Variants in ARHGEF2 observed in about 807,000 individuals in gnomAD.
ARHGEF2 encodes Rho/Rac guanine nucleotide exchange factor 2.
In ARHGEF2, 22 loss-of-function variants were observed where a neutral mutation model predicts 121.0. The observed-to-expected ratio is 0.18, with a 90% CI of 0.13 to 0.26. The LOEUF (loss-of-function observed/expected upper bound fraction) is 0.26. Among genes scored for constraint, ARHGEF2 ranks in the 10% least tolerant of loss-of-function variants. ARHGEF2 has a pLI of 1.00. For synonymous variants in ARHGEF2, 487 were observed against 530.0 expected, an observed-to-expected ratio of 0.92 and a Z score of 1.11; for missense variants, 907 against 1,336.0, an observed-to-expected ratio of 0.68 and a Z score of 5.01.
chr1:155,976,383 G>A (rs898381922), intron 1 of ARHGEF2, among the ~76,000 whole-genome samples: 1 of 151,470 alleles, frequency 6.6e-6, no homozygotes, highest in African/African-American at 2.4e-5. Context: ...ACCCTTCTCC[G>A]GTGGCCTCTT....
In ARHGEF2 at chr1:155,962,585, C is replaced by A; in HGVS notation, c.1101+8G>T. 1 of 1,612,838 alleles carries A rather than the reference C, an allele frequency of 6.2e-7. No individual in the cohort carries two copies. Among genetic ancestry groups the A allele is most frequent in the South Asian group, 1.1e-5 (1 of 91,016 alleles). On this transcript the variant is annotated splice_region_variant and intron_variant, in intron 9 of 21. Transcript: ENST00000361247. This position sits in a 1 kb window ranked among gnomAD's most constrained non-coding sequence, Gnocchi z 5.8. ...CCATGAGCATGGGATCTGGAGAGGT[C>A]CGCTCACCCGGATGAATTGCTGGAA... is the stretch of plus-strand genomic sequence containing the variant.
intron 14 of ARHGEF2, 62 bp downstream of exon 14, chr1:155,954,840 A>T (rs1676345305): frequency 6.8e-7 from 1 of 1,468,188 alleles, no homozygotes; most frequent in African/African-American, 1.4e-5. Flanking sequence ...TAACAGTTGC[A>T]TAATATTCCA....
intron 14 of ARHGEF2, 21 bp downstream of exon 14, chr1:155,954,881 G>T (rs374165884): frequency 1.9e-6 from 3 of 1,605,920 alleles, no homozygotes; most frequent in Non-Finnish European, 2.6e-6. Flanking sequence ...TTACTAAGGA[G>T]CTCCTTGTGG....
In ARHGEF2 at chr1:155,978,215, A is replaced by ACCCCCC; in HGVS notation, c.63+149_63+150insGGGGGG. ...CCCTACCCACTCGCTCGCAGTCCCC[A>ACCCCCC]CCCACCCCGTCCCGCCGCTCGCCGA... On this transcript the variant is annotated intron_variant, in intron 1 of 21. Coordinates refer to ENST00000361247, the MANE Select transcript of ARHGEF2 (RefSeq NM_001162383.2). The surrounding 1 kb of genome is among the most constrained non-coding windows in gnomAD (Gnocchi z 4.1). The ACCCCCC allele has an allele frequency of 9.2e-7, 1 of 1,082,378 alleles. No homozygotes were observed. The allele number at this position is 1,082,378 out of a possible 1,614,324, so 67.0% of individuals were successfully genotyped here. A position where few individuals can be genotyped will look rare whatever the true frequency, so the allele number is the denominator to read the frequency against.
At position 155,978,387 on chromosome 1, in the gene ARHGEF2, C is replaced by A. The variant is rs1481557900; in HGVS notation, c.41G>T (p.Arg14Leu). 3 of 1,520,298 alleles carry A rather than the reference C, an allele frequency of 2.0e-6. No individual in the cohort carries two copies. The highest frequency in any genetic ancestry group is 2.7e-6 in the Non-Finnish European group (3 of 1,125,166). The allele number at this position is 1,520,298 out of a possible 1,614,324, so 94.2% of individuals were successfully genotyped here. A position where few individuals can be genotyped will look rare whatever the true frequency, so the allele number is the denominator to read the frequency against. ...IESLTRARID[R>L]SRELASKTRE... The stretch of plus-strand genomic sequence containing the variant: ...CACCTTGCTCGCCAGCTCTCTGCTC[C>A]GGTCGATCCGCGCCCGCGTGAGGGA... The change falls in exon 1 of 22, where the codon CGG becomes CTG. Residue 14 changes from arginine to leucine, a missense_variant. Arg to Leu is a moderately radical substitution (Grantham distance 102). Transcript: ENST00000361247. This position sits in a 1 kb window ranked among gnomAD's most constrained non-coding sequence, Gnocchi z 4.1.
chr1:155,953,137 C>T (rs555156470), intron 14 of ARHGEF2, among the ~76,000 whole-genome samples: 69 of 151,186 alleles, frequency 4.6e-4, no homozygotes, highest in Non-Finnish European at 7.5e-4. Flanking sequence ...TGGTGGCACG[C>T]GCCTGTAGTC....
Position 155,978,311 on chromosome 1 carries a change from G to T in ARHGEF2, c.63+54C>A, listed in dbSNP as rs1043708456. 4.2e-6 allele frequency: 6 copies of T among 1,426,888 alleles called. No homozygotes were observed. In the East Asian group the frequency reaches 1.7e-4, roughly 40 times the overall value. The allele number at this position is 1,426,888 out of a possible 1,614,324, so 88.4% of individuals were successfully genotyped here. A position where few individuals can be genotyped will look rare whatever the true frequency, so the allele number is the denominator to read the frequency against. On this transcript the variant is annotated intron_variant, in intron 1 of 21. Coordinates refer to ENST00000361247, the MANE Select transcript of ARHGEF2 (RefSeq NM_001162383.2). This position sits in a 1 kb window ranked among gnomAD's most constrained non-coding sequence, Gnocchi z 4.1. ...ACAGGAGATGCACCGCGGGTGCCGGGGTTCGGGGAGCACCCGAGGACCGCG... is the reference window on the plus strand; with the variant it reads ...ACAGGAGATGCACCGCGGGTGCCGGTGTTCGGGGAGCACCCGAGGACCGCG...
Position 155,961,747 on chromosome 1 carries a change from C to T in ARHGEF2, c.1382G>A (p.Gly461Asp), listed in dbSNP as rs1202304436. Residue 461 changes from glycine (G) to aspartate (D), a missense_variant, in exon 11 of 22, where the codon GGC (glycine) becomes GAC (aspartate). Gly to Asp is a moderately conservative substitution (Grantham distance 94). This residue lies in a region of ARHGEF2 where 475 missense variants were observed against 776.5 expected (regional missense o/e 0.61). Transcript: ENST00000361247. This position sits in a 1 kb window ranked among gnomAD's most constrained non-coding sequence, Gnocchi z 4.7. ...PRAQTPVPGKGPFGREELLRR... is the reference protein window; with the variant it reads ...PRAQTPVPGKDPFGREELLRR... ...CAGAAGTTCCTCTCGGCCAAAGGGG[C>T]CCTTGCCAGGCACTGGGGTTTGGGC... 1 of 1,614,216 alleles carries T rather than the reference C, an allele frequency of 6.2e-7. No homozygotes were observed. Among genetic ancestry groups the T allele is most frequent in the East Asian group, 2.2e-5 (1 of 44,894 alleles).
At chr1:155,971,833 A>G (rs1680526034) in intron 1 of ARHGEF2, among the ~76,000 whole-genome samples, 2 of 151,704 alleles carry the variant, frequency 1.3e-5, no homozygotes, top group Non-Finnish European at 2.9e-5. Context: ...GGATCGCTTG[A>G]GGCCAGGAGT....
At chr1:155,973,325 A>G (rs1680790459) in intron 1 of ARHGEF2, among the ~76,000 whole-genome samples, 1 of 152,036 alleles carries the variant, frequency 6.6e-6, no homozygotes, top group South Asian at 2.1e-4. Flanking sequence ...CTCCTCCTGA[A>G]GGGCTCTAAG....
Position 155,962,381 on chromosome 1 carries a change from G to A in ARHGEF2, c.1102-159C>T. 1 of 1,014,158 alleles carries A rather than the reference G, an allele frequency of 9.9e-7. No individual in the cohort carries two copies. The highest frequency in any genetic ancestry group is 1.4e-6 in the Non-Finnish European group (1 of 692,008). 62.8% of individuals were successfully genotyped at this position (1,014,158 alleles called of 1,614,324 possible). ...TAACAACGCCACAGGTTTGTTGTGAGGACCAACTGAAGGAGCAAAAAGTAC... is the reference window on the plus strand; with the variant it reads ...TAACAACGCCACAGGTTTGTTGTGAAGACCAACTGAAGGAGCAAAAAGTAC... On this transcript the variant is annotated intron_variant, in intron 9 of 21. Coordinates refer to ENST00000361247, the MANE Select transcript of ARHGEF2 (RefSeq NM_001162383.2). This position sits in a 1 kb window ranked among gnomAD's most constrained non-coding sequence, Gnocchi z 5.8.
chr1:155,979,118 TAG>T, upstream of ARHGEF2: 1 of 985,228 alleles, frequency 1.0e-6, no homozygotes, highest in Non-Finnish European at 1.2e-6. Context: ...ACGGGAAGGG[TAG>T]GATTCACTCC....
At chr1:155,960,723 T>A (rs1677732197) in intron 11 of ARHGEF2, among the ~76,000 whole-genome samples, 1 of 152,206 alleles carries the variant, frequency 6.6e-6, no homozygotes, top group Admixed American at 6.5e-5. Context: ...AGGGATTTCA[T>A]GACACAGGTA....
chr1:155,950,522 G>T lies in ARHGEF2; in HGVS notation c.2704-40C>A. Reference sequence around the variant, plus strand: ...CAGGAAGAACAGCAGGTCAGGGACTGAGTAGTGTGAAGATTGGAGGTTCTG... The same window carrying T: ...CAGGAAGAACAGCAGGTCAGGGACTTAGTAGTGTGAAGATTGGAGGTTCTG... On this transcript the variant is annotated intron_variant, in intron 20 of 21. Coordinates refer to ENST00000361247, the MANE Select transcript of ARHGEF2 (RefSeq NM_001162383.2). The surrounding 1 kb of genome is among the most constrained non-coding windows in gnomAD (Gnocchi z 5.2). 6.3e-7 allele frequency: 1 copy of T among 1,594,490 alleles called. No homozygotes were observed.
rs1174526327 is a variant in ARHGEF2, at chr1:155,951,763, T to G, written c.2186A>C (p.Asn729Thr). The change falls in exon 18 of 22, where the codon AAT becomes ACT. Residue 729 changes from asparagine (N) to threonine (T), a missense_variant. Physicochemically the swap from Asn to Thr is moderately conservative, Grantham distance 65 (BLOSUM62 0). Transcript: ENST00000361247. This position sits in a 1 kb window ranked among gnomAD's most constrained non-coding sequence, Gnocchi z 5.1. Reference protein sequence around the residue: ...SDSSQRDRNGNQLRSPQEEAL... With the variant: ...SDSSQRDRNGTQLRSPQEEAL... Reference sequence around the variant, plus strand: ...CACCTCTTGCGGTGATCTCAGCTGATTTCCATTTCGATCCTGCAGAAATGG... The same window carrying G: ...CACCTCTTGCGGTGATCTCAGCTGAGTTCCATTTCGATCCTGCAGAAATGG... 1.9e-6 allele frequency: 3 copies of G among 1,613,916 alleles called. No homozygotes were observed. The highest frequency in any genetic ancestry group is 1.7e-6 in the Non-Finnish European group (2 of 1,180,016).
chr1:155,949,268 TA>T (rs1286692147), intron 21 of ARHGEF2, among the ~76,000 whole-genome samples: 1 of 144,270 alleles, frequency 6.9e-6, no homozygotes, highest in African/African-American at 2.6e-5. Context: ...AATAAATAAA[TA>T]AAATAAAATA....
Position 155,951,377 on chromosome 1 carries a change from T to C in ARHGEF2, c.2260-105A>G. ...GATCATCGCTCCTGGAGAGCTTGGA[T>C]TGGGAGGGTATTTAGAAAGGCCTGT... On this transcript the variant is annotated intron_variant, in intron 19 of 21. Transcript: ENST00000361247. This position sits in a 1 kb window ranked among gnomAD's most constrained non-coding sequence, Gnocchi z 5.1. 3.8e-6 allele frequency: 6 copies of C among 1,580,606 alleles called. No individual in the cohort carries two copies. Among genetic ancestry groups the C allele is most frequent in the South Asian group, 2.2e-5 (2 of 89,346 alleles).
rs1674528306 is a variant in ARHGEF2, at chr1:155,946,994, G to A, written c.*948C>T. 2 of 153,378 alleles carry A rather than the reference G, an allele frequency of 1.3e-5. No homozygotes were observed. The highest frequency in any genetic ancestry group is 2.9e-5 in the Non-Finnish European group (2 of 68,670). The allele number at this position is 153,378 out of a possible 1,614,324, so 9.5% of individuals were successfully genotyped here. On this transcript the variant is annotated 3_prime_UTR_variant, in exon 22 of 22. Coordinates refer to ENST00000361247, the MANE Select transcript of ARHGEF2 (RefSeq NM_001162383.2). Reference sequence around the variant, plus strand: ...GAAAAATCCCCCAAATTCACGCTGAGGTTTCAGGTCATGGTTGCTGAGGTG... The same window carrying A: ...GAAAAATCCCCCAAATTCACGCTGAAGTTTCAGGTCATGGTTGCTGAGGTG...
At chr1:155,968,891 G>T in intron 2 of ARHGEF2, 1 of 435,728 alleles carries the variant, frequency 2.3e-6, no homozygotes, top group Non-Finnish European at 4.2e-6. Flanking sequence ...GGGGGTGCCT[G>T]GTGGATGACA....
Sources: gnomAD v4.1 joint callset for allele counts (sites outside exome capture counted in the v4.1 genomes callset) on GRCh38, gnomAD v4.1.1 for gene constraint, gnomAD v4.1.1 regional missense constraint, Gnocchi (gnomAD v3.1) non-coding constraint, MANE v1.5 for transcripts, NCBI Gene and HGNC (gene_info 2026-07-23, HGNC 2026-07-21) for gene names.